Variants in ITGBL1 observed in about 807,000 individuals in gnomAD.
ITGBL1 encodes integrin beta-like protein 1.
ITGBL1 carries 51 observed loss-of-function variants against 68.5 expected under a neutral mutation model. The observed-to-expected ratio is 0.74, with a 90% CI of 0.59 to 0.94. The LOEUF (loss-of-function observed/expected upper bound fraction) is 0.94, where lower values mean the gene tolerates loss of function less well. ITGBL1 is among the 40% of genes least tolerant of loss of function. The pLI is 0.00. For synonymous variants in ITGBL1, 209 were observed against 227.3 expected (o/e 0.92, Z 0.72); for missense variants, 649 against 647.4 (o/e 1.00, Z -0.03).
Position 101,567,827 on chromosome 13 carries a change from A to T in ITGBL1, c.445A>T (p.Ile149Phe), listed in dbSNP as rs766447430. Residue 149 changes from isoleucine (I) to phenylalanine (F), a missense_variant, in exon 3 of 11, where the codon ATC becomes TTC. Physicochemically the swap from Ile to Phe is conservative, Grantham distance 21 (BLOSUM62 0). Coordinates refer to ENST00000376180, the MANE Select transcript of ITGBL1 (RefSeq NM_004791.3). ...CCAAATGTGCAAGAATTCACAAGACATCATCTGCTCTAATGCAGGTAAGAA... is the reference window on the plus strand; with the variant it reads ...CCAAATGTGCAAGAATTCACAAGACTTCATCTGCTCTAATGCAGGTAAGAA... ...SNQMCKNSQD[I>F]ICSNAGTCHC... 48 of 1,613,064 alleles carry T rather than the reference A, an allele frequency of 3.0e-5. No homozygotes were observed. Among genetic ancestry groups the T allele is most frequent in the African/African-American group, 1.9e-4 (14 of 74,854 alleles).
chr13:101,622,107 C>T (rs1043934035), intron 7 of ITGBL1, among the ~76,000 whole-genome samples: 1 of 152,156 alleles, frequency 6.6e-6, no homozygotes, highest in East Asian at 1.9e-4. Context: ...CACCTTTCTC[C>T]GTATCCAGAA....
At chr13:101,685,875 A>G (rs1204695058) in intron 7 of ITGBL1, among the ~76,000 whole-genome samples, 2 of 152,170 alleles carry the variant, frequency 1.3e-5, no homozygotes, top group Non-Finnish European at 2.9e-5. Context: ...TCGTAATCCA[A>G]TAATAGCTAA....
chr13:101,606,431 T>C (rs2030862668), intron 7 of ITGBL1, among the ~76,000 whole-genome samples: 1 of 151,728 alleles, frequency 6.6e-6, no homozygotes, highest in Non-Finnish European at 1.5e-5. Flanking sequence ...ACATTCGTCC[T>C]AATTTCGGTT....
chr13:101,636,520 AAT>A (rs1450877293), intron 7 of ITGBL1, among the ~76,000 whole-genome samples: 1 of 152,160 alleles, frequency 6.6e-6, no homozygotes, highest in Non-Finnish European at 1.5e-5. Flanking sequence ...TAGGCTTGTT[AAT>A]ATGTTACTTA....
intron 7 of ITGBL1, among the ~76,000 whole-genome samples, chr13:101,647,000 C>A (rs1407747000): frequency 6.6e-6 from 1 of 151,808 alleles, no homozygotes; most frequent in Non-Finnish European, 1.5e-5. Context: ...AGTAATAGAC[C>A]CTGAGTGGTA....
intron 6 of ITGBL1, among the ~76,000 whole-genome samples, chr13:101,584,345 T>C (rs1183876815): frequency 6.6e-6 from 1 of 152,210 alleles, no homozygotes; most frequent in African/African-American, 2.4e-5. Context: ...TGAAAAGGTA[T>C]CATTTAGCAA....
intron 3 of ITGBL1, among the ~76,000 whole-genome samples, chr13:101,568,951 T>A (rs1429627807): frequency 2.0e-5 from 3 of 151,666 alleles, no homozygotes; most frequent in African/African-American, 7.3e-5. Flanking sequence ...CTCATCATAT[T>A]TCTCTAGCAC....
chr13:101,601,940 G>T (rs962704384), intron 7 of ITGBL1, among the ~76,000 whole-genome samples: 6 of 152,002 alleles, frequency 3.9e-5, no homozygotes, highest in Admixed American at 3.9e-4. Flanking sequence ...TGAATGAGGG[G>T]CTATTAGTCT....
At chr13:101,482,170 T>A (rs950858821) in intron 2 of ITGBL1, among the ~76,000 whole-genome samples, 13 of 152,182 alleles carry the variant, frequency 8.5e-5, no homozygotes, top group Non-Finnish European at 1.8e-4. Context: ...TGAATCTGGA[T>A]GTTTTTCTAG....
chr13:101,473,713 C>G (rs2139647406), intron 2 of ITGBL1, among the ~76,000 whole-genome samples: 1 of 152,264 alleles, frequency 6.6e-6, no homozygotes, highest in East Asian at 1.9e-4. Flanking sequence ...TCCTTTGACC[C>G]TAGGCAGTGC....
chr13:101,614,848 A>G (rs1043646341), intron 7 of ITGBL1, among the ~76,000 whole-genome samples: 1 of 152,124 alleles, frequency 6.6e-6, no homozygotes, highest in Non-Finnish European at 1.5e-5. Flanking sequence ...CTTCATTTGC[A>G]TAGTGCTTCT....
At chr13:101,654,544 T>C (rs1223038044) in intron 7 of ITGBL1, among the ~76,000 whole-genome samples, 3 of 152,164 alleles carry the variant, frequency 2.0e-5, no homozygotes, top group South Asian at 2.1e-4. Flanking sequence ...ATTTTTGGTC[T>C]GAGTTACTGT....
At position 101,458,630 on chromosome 13, in the gene ITGBL1, A is replaced by G. The variant is rs534933374; in HGVS notation, c.316+4530A>G. ...CCTCCCCCACCAGTGGATACCAAGG[A>G]TGTTCCAGTCTCTCATATAAAATGG... On this transcript the variant is annotated intron_variant, in intron 2 of 10. Coordinates refer to ENST00000376180, the MANE Select transcript of ITGBL1 (RefSeq NM_004791.3). Among the ~76,000 whole-genome samples the G allele has an allele frequency of 1.2e-4, 18 of 150,122 alleles. No individual in the cohort carries two copies. In the East Asian group the frequency reaches 2.9e-3, roughly 25 times the overall value.
chr13:101,606,074 A>G (rs899605151), intron 7 of ITGBL1, among the ~76,000 whole-genome samples: 3 of 129,424 alleles, frequency 2.3e-5, no homozygotes, highest in Non-Finnish European at 4.8e-5. Flanking sequence ...TATGTGATAT[A>G]TATATATGCT....
intron 2 of ITGBL1, among the ~76,000 whole-genome samples, chr13:101,489,739 T>C (rs376777098): frequency 6.6e-6 from 1 of 152,078 alleles, no homozygotes; most frequent in East Asian, 1.9e-4. Flanking sequence ...TTTTTCACAG[T>C]ACAGGAAAAA....
At chr13:101,571,117 T>C (rs2050264901) in intron 3 of ITGBL1, among the ~76,000 whole-genome samples, 2 of 152,166 alleles carry the variant, frequency 1.3e-5, no homozygotes, top group Admixed American at 1.3e-4. Flanking sequence ...GGATTACTTC[T>C]TGTTTTCTCC....
At chr13:101,693,799 G>A (rs1263116352) in intron 8 of ITGBL1, among the ~76,000 whole-genome samples, 2 of 152,102 alleles carry the variant, frequency 1.3e-5, no homozygotes, top group African/African-American at 2.4e-5. Flanking sequence ...GAGTTGAGGG[G>A]AAAAGCCCTT....
intron 7 of ITGBL1, among the ~76,000 whole-genome samples, chr13:101,613,458 A>G (rs2031224516): frequency 6.6e-6 from 1 of 152,180 alleles, no homozygotes; most frequent in Non-Finnish European, 1.5e-5. Flanking sequence ...AGATACTCCT[A>G]TGAGAAGGGA....
At chr13:101,681,062 A>G (rs528357089) in intron 7 of ITGBL1, among the ~76,000 whole-genome samples, 2 of 152,242 alleles carry the variant, frequency 1.3e-5, no homozygotes, top group East Asian at 3.9e-4. Flanking sequence ...TTGTATCTCA[A>G]TATCTAGCAT....
Sources: gnomAD v4.1 joint callset for allele counts (sites outside exome capture counted in the v4.1 genomes callset) on GRCh38, gnomAD v4.1.1 for gene constraint, MANE v1.5 for transcripts, NCBI Gene and HGNC (gene_info 2026-07-23, HGNC 2026-07-21) for gene names.